The following TAF7L variants were observed in gnomAD, a reference collection of about 807,000 sequenced individuals.
TAF7L encodes transcription initiation factor TFIID subunit 7-like.
A neutral mutation model predicts 30.2 loss-of-function variants in TAF7L; 6 were observed. The observed-to-expected ratio is 0.20, with a 90% CI of 0.11 to 0.39. TAF7L has a LOEUF of 0.39. TAF7L is among the 10% of genes least tolerant of loss of function. The pLI, the probability that TAF7L is intolerant of heterozygous loss-of-function variation, is 1.00. For missense variants in TAF7L, 284 were observed against 277.1 expected (o/e 1.03, Z -0.18); for synonymous variants, 93 against 94.5 (o/e 0.98, Z 0.09).
rs1445580157 is a variant in TAF7L at position 101,269,321 on chromosome X, C to A, written c.1087-84G>T. 8.9e-5 allele frequency: 74 copies of A among 836,011 alleles called. No homozygotes were observed. The highest frequency in any genetic ancestry group is 1.2e-4 in the Non-Finnish European group (71 of 569,723). 68.9% of individuals were successfully genotyped at this position (836,011 alleles called of 1,213,427 possible). ...TGATCTAGAATTTACTTAAATGAAC[C>A]AAAAAGAACTACTGTTATTTGGCAT... On this transcript the variant is annotated intron_variant, in intron 12 of 12. Coordinates refer to ENST00000356784, the MANE Select transcript of TAF7L (RefSeq NM_001168474.2).
intron 3 of TAF7L, among the ~76,000 whole-genome samples, chrX:101,285,027 C>T (rs986440186): frequency 1.0e-3 from 115 of 110,991 alleles, no homozygotes; most frequent in African/African-American, 3.5e-3. Flanking sequence ...TAGGTTGATT[C>T]CATATCTTGG....
chrX:101,286,615 T>C lies in TAF7L; in HGVS notation c.105A>G (p.Gln35=). 1 of 1,210,122 alleles carries C rather than the reference T, an allele frequency of 8.3e-7. No homozygotes were observed. ...TTAGTTTATCCTTCATCTTGACACTTTGAGAACGTGCTAGGTTCCTGACAG... is the reference window on the plus strand; with the variant it reads ...TTAGTTTATCCTTCATCTTGACACTCTGAGAACGTGCTAGGTTCCTGACAG... The part of the protein sequence containing the change: ...ACTVRNLARS[Q]SVKMKDKLKI... Residue 35 remains glutamine (Q), a synonymous_variant, in exon 3 of 13, where the codon CAA becomes CAG. Coordinates refer to ENST00000356784, the MANE Select transcript of TAF7L (RefSeq NM_001168474.2).
rs185943475 is a variant in TAF7L at position 101,277,764 on chromosome X, A to G, written c.578-45T>C. ...AAGGAAAACACAGAAGGAAACAAAAAGGCACAGCTGAAAGGGAAGGGGCTC... is the reference window on the plus strand; with the variant it reads ...AAGGAAAACACAGAAGGAAACAAAAGGGCACAGCTGAAAGGGAAGGGGCTC... On this transcript the variant is annotated intron_variant, in intron 8 of 12. Coordinates refer to ENST00000356784, the MANE Select transcript of TAF7L (RefSeq NM_001168474.2). The G allele has an allele frequency of 3.6e-4, 339 of 950,974 alleles. 1 individual carries two copies. In the African/African-American group the frequency reaches 6.2e-3, roughly 17 times the overall value. The allele number at this position is 950,974 out of a possible 1,213,427, so 78.4% of individuals were successfully genotyped here.
upstream of TAF7L, chrX:101,292,844 C>T: frequency 5.8e-6 from 7 of 1,211,720 alleles, no homozygotes; most frequent in South Asian, 3.5e-5. Flanking sequence ...GCGCTGCTGT[C>T]CGCATCCGTT....
At chrX:101,269,307 TTACTTAAATGAACCAAAAAGAACTAC>T in intron 12 of TAF7L, 70 bp from the exon 13 acceptor site, 1 of 988,375 alleles carries the variant, frequency 1.0e-6, no homozygotes, top group Non-Finnish European at 1.4e-6. Context: ...GATCTAGAAT[TTACTTAAATGAACCAAAAAGAACTAC>T]TGTTATTTGG....
At chrX:101,274,335 G>A (rs942580408) in intron 12 of TAF7L, among the ~76,000 whole-genome samples, 1 of 108,819 alleles carries the variant, frequency 9.2e-6, no homozygotes, top group Non-Finnish European at 1.9e-5. Flanking sequence ...CCACCTTAGC[G>A]TCCTGAGTAG....
At chrX:101,277,572 A>G (rs374051228) in intron 9 of TAF7L, 34 bp downstream of exon 9, 6 of 905,842 alleles carry the variant, frequency 6.6e-6, no homozygotes, top group Non-Finnish European at 9.1e-6. Context: ...TACCTGCCCT[A>G]TCTGAAACTC....
Position 101,276,513 on chromosome X carries a change from C to T in TAF7L, c.707G>A (p.Arg236Gln), listed in dbSNP as rs774178888. ...GHTSSEYDML[R>Q]EMFSDSRSNN... ...ACTTCTAGAATCACTGAACATCTCC[C>T]GAAGCATATCATATTCTACTAGTTT... The change falls in exon 10 of 13, where the codon CGG becomes CAG. Residue 236 changes from arginine (R) to glutamine (Q), a missense_variant. Coordinates refer to ENST00000356784, the MANE Select transcript of TAF7L (RefSeq NM_001168474.2). 49 of 1,208,388 alleles carry T rather than the reference C, an allele frequency of 4.1e-5. No individual in the cohort carries two copies. Among genetic ancestry groups the T allele is most frequent in the South Asian group, 8.8e-5 (5 of 56,654 alleles).
Position 101,269,129 on chromosome X carries a change from G to A in TAF7L, c.*64C>T, listed in dbSNP as rs1450370119. 2 of 1,055,956 alleles carry A rather than the reference G, an allele frequency of 1.9e-6. No individual in the cohort carries two copies. Among genetic ancestry groups the A allele is most frequent in the East Asian group, 3.0e-5 (1 of 32,937 alleles). The allele number at this position is 1,055,956 out of a possible 1,213,427, so 87.0% of individuals were successfully genotyped here. ...AACTGAAGGGACAAAAACGTGCACA[G>A]TTTCATCCAATCTGCAGTCTGGATG... On this transcript the variant is annotated 3_prime_UTR_variant, in exon 13 of 13. Transcript: ENST00000356784.
intron 1 of TAF7L, among the ~76,000 whole-genome samples, chrX:101,288,664 C>T (rs1354474498): frequency 9.1e-6 from 1 of 110,126 alleles, no homozygotes; most frequent in Non-Finnish European, 1.9e-5. Context: ...ACTTCGAATG[C>T]CCCCAAAAGC....
At chrX:101,293,060 G>A (rs368378886), upstream of TAF7L, 1 of 1,210,030 alleles carries the variant, frequency 8.3e-7, no homozygotes, top group Non-Finnish European at 1.1e-6. Context: ...CACCTCGTTG[G>A]GGTTGTAAAA....
rs772319167 is a variant in TAF7L at position 101,273,754 on chromosome X, G to A, written c.1086+1468C>T. Among the ~76,000 whole-genome samples, 136 of 111,112 alleles carry A rather than the reference G, an allele frequency of 1.2e-3. 2 individuals carry two copies. The highest frequency in any genetic ancestry group is 4.2e-3 in the African/African-American group (128 of 30,573). On this transcript the variant is annotated intron_variant, in intron 12 of 12. Coordinates refer to ENST00000356784, the MANE Select transcript of TAF7L (RefSeq NM_001168474.2). The stretch of plus-strand genomic sequence containing the variant: ...CCTTATCTTAAGCCATTCTCTTCCT[G>A]GCTTTAAATACTCCAAAGGTCCTCA...
chrX:101,271,813 G>C (rs1389283088), intron 12 of TAF7L, among the ~76,000 whole-genome samples: 1 of 111,971 alleles, frequency 8.9e-6, no homozygotes, highest in Non-Finnish European at 1.9e-5. Context: ...GTCTGTCATT[G>C]GCCAAAATGT....
At chrX:101,280,135 A>C (rs1032116502) in intron 6 of TAF7L, among the ~76,000 whole-genome samples, 12 of 110,788 alleles carry the variant, frequency 1.1e-4, no homozygotes, top group African/African-American at 3.9e-4. Flanking sequence ...GATCGTTTTC[A>C]AAAAAATCAA....
chrX:101,273,263 A>G (rs1294656218), intron 12 of TAF7L, among the ~76,000 whole-genome samples: 1 of 111,525 alleles, frequency 9.0e-6, no homozygotes, highest in Non-Finnish European at 1.9e-5. Flanking sequence ...CTTCCAACCC[A>G]TTCTCCAGAT....
At chrX:101,275,944 A>T in intron 11 of TAF7L, 56 bp downstream of exon 11, 1 of 881,727 alleles carries the variant, frequency 1.1e-6, no homozygotes, top group Non-Finnish European at 1.6e-6. Flanking sequence ...GGAAACACAA[A>T]GGCAAGATAC....
rs113257615 is a variant in TAF7L, at chrX:101,291,206, G to A, written c.-3+18C>T. 11 of 734,283 alleles carry A rather than the reference G, an allele frequency of 1.5e-5. No individual in the cohort carries two copies. Among genetic ancestry groups the A allele is most frequent in the Non-Finnish European group, 1.8e-5 (11 of 621,018 alleles). 60.5% of individuals were successfully genotyped at this position (734,283 alleles called of 1,213,427 possible). ...GCGCTGACCCGGTCCCGGCCGCCCGGTCGGCCGCCCGACTCACCCGCTCCT... is the reference window on the plus strand; with the variant it reads ...GCGCTGACCCGGTCCCGGCCGCCCGATCGGCCGCCCGACTCACCCGCTCCT... On this transcript the variant is annotated intron_variant, in intron 1 of 12. Coordinates refer to ENST00000356784, the MANE Select transcript of TAF7L (RefSeq NM_001168474.2).
At position 101,281,268 on chromosome X, in the gene TAF7L, T is replaced by C. The variant is rs918066174; in HGVS notation, c.462+452A>G. Among the ~76,000 whole-genome samples the C allele has an allele frequency of 5.3e-4, 60 of 112,156 alleles. 1 individual carries two copies. The highest frequency in any genetic ancestry group is 1.9e-3 in the African/African-American group (58 of 30,844). Reference sequence around the variant, plus strand: ...CTCTCTTTTATTTCTTACAACTGTATATGAATTTACAATTATTTCAAAATA... The same window carrying C: ...CTCTCTTTTATTTCTTACAACTGTACATGAATTTACAATTATTTCAAAATA... On this transcript the variant is annotated intron_variant, in intron 6 of 12. Transcript: ENST00000356784.
At chrX:101,269,503 A>G in intron 12 of TAF7L, among the ~76,000 whole-genome samples, 1 of 111,905 alleles carries the variant, frequency 8.9e-6, no homozygotes, top group Non-Finnish European at 1.9e-5. Context: ...ATAAAGATAT[A>G]CCTGAGTTTG....
Sources: gnomAD v4.1 joint callset for allele counts (sites outside exome capture counted in the v4.1 genomes callset) on GRCh38, gnomAD v4.1.1 for gene constraint, MANE v1.5 for transcripts, NCBI Gene and HGNC (gene_info 2026-07-23, HGNC 2026-07-21) for gene names.